Variants in SHANK2 observed in about 807,000 individuals in gnomAD.
SHANK2 encodes the protein SH3 and multiple ankyrin repeat domains 2.
A neutral mutation model predicts 133.7 loss-of-function variants in SHANK2; 43 were observed. That is an observed-to-expected ratio of 0.32 (90% confidence interval 0.25 to 0.41). SHANK2 has a LOEUF of 0.41. Ranked by LOEUF, SHANK2 falls within the 10% of genes least tolerant of loss-of-function variation. The probability of loss-of-function intolerance (pLI) is 1.00; values close to 1 mark genes in which losing one functional copy is unlikely to be tolerated. For missense variants in SHANK2, 1,994 were observed against 2,235.8 expected (o/e 0.89, Z 2.18); for synonymous variants, 1,017 against 952.8 (o/e 1.07, Z -1.24).
At chr11:71,099,069 G>A (rs567259814) in intron 6 of SHANK2, among the ~76,000 whole-genome samples, 3 of 152,168 alleles carry the variant, frequency 2.0e-5, no homozygotes, top group South Asian at 4.2e-4. Flanking sequence ...GCCCCTAATC[G>A]TGAAAACACC....
chr11:70,950,186 G>A, intron 10 of SHANK2: 1 of 454,458 alleles, frequency 2.2e-6, no homozygotes, highest in East Asian at 7.0e-5. Context: ...AGCCTCCCGA[G>A]TAGCTGGGAT....
chr11:70,914,932 G>A lies in SHANK2; in HGVS notation c.1108-18365C>T, dbSNP rs568555424. The stretch of plus-strand genomic sequence containing the variant: ...AAAAAGAAAGAAAGAAAAAAAAAAG[G>A]AAGAAAATTCAGTTGTTAAAGTATT... On this transcript the variant is annotated intron_variant, in intron 10 of 25. Coordinates refer to ENST00000601538, the MANE Select transcript of SHANK2 (RefSeq NM_012309.5). 9.3e-5 allele frequency among the ~76,000 whole-genome samples: 14 copies of A among 150,816 alleles called. No homozygotes were observed. In the South Asian group the frequency reaches 2.7e-3, roughly 29 times the overall value.
intron 14 of SHANK2, among the ~76,000 whole-genome samples, chr11:70,715,302 C>T (rs553107905): frequency 2.0e-3 from 305 of 152,342 alleles, no homozygotes; most frequent in Non-Finnish European, 3.4e-3. Flanking sequence ...GGAGGATGCT[C>T]AGCTCTGCCC....
intron 17 of SHANK2, among the ~76,000 whole-genome samples, chr11:70,611,077 C>T (rs782714057): frequency 3.9e-5 from 6 of 152,212 alleles, no homozygotes; most frequent in Admixed American, 1.3e-4. Context: ...TGCAGCCTTT[C>T]AAAATCTCCA....
chr11:70,774,793 G>A (rs564501117), intron 14 of SHANK2, among the ~76,000 whole-genome samples: 7 of 152,292 alleles, frequency 4.6e-5, no homozygotes, highest in African/African-American at 1.4e-4. Flanking sequence ...AGAAAAAAAG[G>A]TTGGTGTCCT....
chr11:70,824,672 G>C (rs1475628830), intron 11 of SHANK2, among the ~76,000 whole-genome samples: 2 of 152,126 alleles, frequency 1.3e-5, no homozygotes, highest in African/African-American at 4.8e-5. Context: ...GGAAAACCAT[G>C]TTGGTGCCCT....
chr11:70,896,601 A>T (rs782660114), intron 10 of SHANK2, 34 bp from the exon 11 acceptor site: 6 of 717,714 alleles, frequency 8.4e-6, no homozygotes, highest in South Asian at 7.4e-5. Context: ...GTTAAGTGTC[A>T]CCTGCAGAAC....
At chr11:70,493,632 T>A (rs556102862) in intron 21 of SHANK2, among the ~76,000 whole-genome samples, 2 of 152,226 alleles carry the variant, frequency 1.3e-5, no homozygotes, top group Admixed American at 1.3e-4. Flanking sequence ...CCAGTCGCGA[T>A]GTGCATTCTG....
chr11:70,546,312 C>T (rs2136057651), intron 17 of SHANK2, among the ~76,000 whole-genome samples: 1 of 152,136 alleles, frequency 6.6e-6, no homozygotes, highest in East Asian at 1.9e-4. Context: ...CAACCTCCAG[C>T]CCCTCTTCCT....
intron 9 of SHANK2, among the ~76,000 whole-genome samples, chr11:71,062,199 G>A (rs978519260): frequency 7.0e-4 from 106 of 152,172 alleles, no homozygotes; most frequent in African/African-American, 2.5e-3. Flanking sequence ...CAAGCAATCT[G>A]TCCACCGTGG....
At chr11:71,157,220 A>C (rs1952924335) in intron 2 of SHANK2, among the ~76,000 whole-genome samples, 1 of 152,254 alleles carries the variant, frequency 6.6e-6, no homozygotes, top group South Asian at 2.1e-4. Context: ...AATAACGGCT[A>C]CTTCACACCT....
intron 17 of SHANK2, among the ~76,000 whole-genome samples, chr11:70,565,955 T>C (rs1554981817): frequency 6.6e-6 from 1 of 152,122 alleles, no homozygotes; most frequent in Non-Finnish European, 1.5e-5. Context: ...TACCTAAGAC[T>C]GGGTAATTTA....
At chr11:70,783,529 C>CTG (rs1357913149) in intron 14 of SHANK2, among the ~76,000 whole-genome samples, 1 of 152,182 alleles carries the variant, frequency 6.6e-6, no homozygotes, top group African/African-American at 2.4e-5. Context: ...CACGCCAATC[C>CTG]TGTCTCCATA....
Position 71,190,528 on chromosome 11 carries a change from C to G in SHANK2, c.-13+34169G>C, listed in dbSNP as rs550344326. ...GCTCACCATTGTCTGGAAAATGAGGCCTTGGAACCAACAGATGGTTGATGG... is the reference window on the plus strand; with the variant it reads ...GCTCACCATTGTCTGGAAAATGAGGGCTTGGAACCAACAGATGGTTGATGG... On this transcript the variant is annotated intron_variant, in intron 2 of 25. Transcript: ENST00000601538. Among the ~76,000 whole-genome samples, 10 of 152,078 alleles carry G rather than the reference C, an allele frequency of 6.6e-5. No homozygotes were observed. The South Asian group carries it at 1.5e-3, about 22-fold the overall frequency.
At chr11:70,877,367 C>T (rs1179931607) in intron 11 of SHANK2, among the ~76,000 whole-genome samples, 1 of 152,200 alleles carries the variant, frequency 6.6e-6, no homozygotes, top group African/African-American at 2.4e-5. Flanking sequence ...TCTATAGTAA[C>T]CGGCCACTGG....
At chr11:70,729,162 A>C (rs1305308376) in intron 14 of SHANK2, among the ~76,000 whole-genome samples, 1 of 151,108 alleles carries the variant, frequency 6.6e-6, no homozygotes, top group Non-Finnish European at 1.5e-5. Flanking sequence ...GCACCACTGC[A>C]CTCCAGCCTG....
At chr11:70,784,364 T>TTTTTTTG (rs1555045952) in intron 14 of SHANK2, among the ~76,000 whole-genome samples, 1,505 of 133,474 alleles carry the variant, frequency 0.011, 117 homozygotes, top group African/African-American at 0.047. Context: ...TTTTTTTTTT[T>TTTTTTTG]TTTTTTTTTT....
At chr11:70,863,908 A>C (rs1555068472) in intron 11 of SHANK2, 1 of 454,026 alleles carries the variant, frequency 2.2e-6, no homozygotes, top group African/African-American at 2.0e-5. Flanking sequence ...GGGACACCCT[A>C]ATCACAGGCG....
chr11:71,098,291 G>T (rs1192520786), intron 6 of SHANK2, among the ~76,000 whole-genome samples: 1 of 152,178 alleles, frequency 6.6e-6, no homozygotes, highest in Non-Finnish European at 1.5e-5. Flanking sequence ...ATGCCTGTGT[G>T]CATGCCTCTG....
Sources: gnomAD v4.1 joint callset for allele counts (sites outside exome capture counted in the v4.1 genomes callset) on GRCh38, gnomAD v4.1.1 for gene constraint, MANE v1.5 for transcripts, NCBI Gene and HGNC (gene_info 2026-07-23, HGNC 2026-07-21) for gene names.